Variants in ZNF701 observed in about 807,000 individuals in gnomAD.
ZNF701 encodes zinc finger protein 701.
ZNF701 carries 6 observed loss-of-function variants against 7.1 expected under a neutral mutation model. That is an observed-to-expected ratio of 0.84 (90% CI 0.46 to 1.66). The LOEUF (loss-of-function observed/expected upper bound fraction) is 1.66. Ranked by LOEUF, ZNF701 falls within the 40% of genes most tolerant of loss-of-function variation. The pLI is 0.01. For missense variants in ZNF701, 541 were observed against 559.2 expected (o/e 0.97, Z 0.33); for synonymous variants, 166 against 188.2 (o/e 0.88, Z 0.97).
Position 52,582,444 on chromosome 19 carries a change from A to C in ZNF701, c.385A>C (p.Arg129=), listed in dbSNP as rs1220390661. The change falls in exon 4 of 4, where the codon AGG becomes CGG. Residue 129 remains arginine (R), a synonymous_variant. Transcript: ENST00000391785. The part of the protein sequence containing the change: ...LMSSTERHDQ[R]HAGNKPIKNE... ...GAGTAGTACAGAGCGACATGATCAA[A>C]GGCATGCTGGAAACAAACCTATTAA... is the stretch of plus-strand genomic sequence containing the variant. 6.2e-7 allele frequency: 1 copy of C among 1,614,226 alleles called. No homozygotes were observed. Among genetic ancestry groups the C allele is most frequent in the Admixed American group, 1.7e-5 (1 of 60,020 alleles).
chr19:52,577,697 G>A (rs1239306141), intron 3 of ZNF701, among the ~76,000 whole-genome samples: 1 of 152,014 alleles, frequency 6.6e-6, no homozygotes, highest in Admixed American at 6.6e-5. Context: ...GAAGGCACCC[G>A]TTACTTAGCA....
At chr19:52,577,056 A>G (rs186469267) in intron 3 of ZNF701, among the ~76,000 whole-genome samples, 113 of 152,280 alleles carry the variant, frequency 7.4e-4, no homozygotes, top group Middle Eastern at 3.4e-3. Context: ...GATCTCTGAA[A>G]TGACATCTTT....
chr19:52,572,823 C>A (rs908408066), intron 1 of ZNF701: 27 of 431,962 alleles, frequency 6.3e-5, no homozygotes, highest in Admixed American at 7.6e-5. Flanking sequence ...CATCTCATGA[C>A]TCCCTCTGCC....
At chr19:52,596,892 C>T in the ZNF701 span, 3 of 556,194 alleles carry the variant, frequency 5.4e-6, no homozygotes, top group African/African-American at 5.7e-5. Context: ...TGCACAACAT[C>T]AGAGAGTTTA....
chr19:52,588,006 C>G (rs200821051), downstream of ZNF701, among the ~76,000 whole-genome samples: 3 of 152,156 alleles, frequency 2.0e-5, no homozygotes, highest in African/African-American at 7.2e-5. Flanking sequence ...GCATCGTGTG[C>G]GTGGACTTTT....
At chr19:52,582,152 G>C (rs1385395217) in intron 3 of ZNF701, 50 bp from the exon 4 acceptor site, 7 of 1,462,246 alleles carry the variant, frequency 4.8e-6, no homozygotes, top group Admixed American at 4.6e-5. Flanking sequence ...TTTCAGTATT[G>C]TATAACTTCC....
At chr19:52,572,968 G>A (rs1172007878) in intron 1 of ZNF701, 3 of 283,858 alleles carry the variant, frequency 1.1e-5, no homozygotes, top group East Asian at 2.2e-4. Flanking sequence ...GCTCAGAAAT[G>A]TCTCCCATGC....
the ZNF701 span, among the ~76,000 whole-genome samples, chr19:52,598,370 A>G: frequency 5.8e-4 from 89 of 152,252 alleles, no homozygotes; most frequent in African/African-American, 2.1e-3. Flanking sequence ...TTTTTTGAGC[A>G]GGTAGAGTCA....
downstream of ZNF701, among the ~76,000 whole-genome samples, chr19:52,590,720 G>T (rs892302197): frequency 1.1e-4 from 17 of 152,108 alleles, no homozygotes; most frequent in African/African-American, 4.1e-4. Context: ...AGCCTGGCAT[G>T]TATCTGTGGA....
At chr19:52,597,860 C>T in the ZNF701 span, 1 of 172,378 alleles carries the variant, frequency 5.8e-6, no homozygotes, top group East Asian at 1.5e-4. Flanking sequence ...CGTCTGCTGT[C>T]ATCCTCTTGC....
chr19:52,597,164 G>C, the ZNF701 span: 1 of 613,832 alleles, frequency 1.6e-6, no homozygotes, highest in Non-Finnish European at 3.1e-6. Context: ...ATACTGGAGA[G>C]AAACCTTACA....
chr19:52,578,720 A>G (rs1288082491), intron 3 of ZNF701, among the ~76,000 whole-genome samples: 3 of 152,220 alleles, frequency 2.0e-5, no homozygotes, highest in Non-Finnish European at 4.4e-5. Context: ...TGGTTTAAAC[A>G]TGATTCCAGT....
rs766015846 is a variant in ZNF701, at chr19:52,583,182, A to T, written c.1123A>T (p.Ile375Phe). Residue 375 changes from isoleucine (I) to phenylalanine (F), a missense_variant, in exon 4 of 4, where the codon ATT (isoleucine) becomes TTT (phenylalanine). Coordinates refer to ENST00000391785, the MANE Select transcript of ZNF701 (RefSeq NM_018260.3). ...TTCACACCTGGCACAACATACTGTA[A>T]TTCACACTGGAGAGAAACCTTACAA... ...RDSHLAQHTV[I>F]HTGEKPYKCN... The T allele has an allele frequency of 6.2e-7, 1 of 1,613,630 alleles. No homozygotes were observed. Among genetic ancestry groups the T allele is most frequent in the South Asian group, 1.1e-5 (1 of 91,048 alleles).
chr19:52,581,850 T>A (rs948514191), intron 3 of ZNF701, among the ~76,000 whole-genome samples: 1 of 152,194 alleles, frequency 6.6e-6, no homozygotes, highest in Non-Finnish European at 1.5e-5. Flanking sequence ...CCTATAAATA[T>A]GAAGAATATA....
chr19:52,579,037 C>CGCCCCGCCGT lies in ZNF701; in HGVS notation c.142+3021_142+3030dup, dbSNP rs1043419935. 3.7e-4 allele frequency among the ~76,000 whole-genome samples: 53 copies of CGCCCCGCCGT among 144,032 alleles called. 7 individuals carry two copies. The highest frequency in any genetic ancestry group is 1.5e-3 in the African/African-American group (50 of 34,228). 94.5% of individuals were successfully genotyped at this position (144,032 alleles called of 152,430 possible). On this transcript the variant is annotated intron_variant, in intron 3 of 3. Coordinates refer to ENST00000391785, the MANE Select transcript of ZNF701 (RefSeq NM_018260.3). Reference sequence around the variant, plus strand: ...CTGGGATTACAGACGTGAGCCACCGCGCCCCGCCGTGCCCATTTCTTTCAG... The same window carrying CGCCCCGCCGT: ...CTGGGATTACAGACGTGAGCCACCGCGCCCCGCCGTGCCCCGCCGTGCCCATTTCTTTCAG...
the ZNF701 span, among the ~76,000 whole-genome samples, chr19:52,592,665 T>C: frequency 6.6e-6 from 1 of 152,202 alleles, no homozygotes; most frequent in Non-Finnish European, 1.5e-5. Context: ...TCTCAGCTCA[T>C]TGCAACCTCC....
At chr19:52,590,003 A>C (rs950251129), downstream of ZNF701, among the ~76,000 whole-genome samples, 1 of 152,096 alleles carries the variant, frequency 6.6e-6, no homozygotes, top group Non-Finnish European at 1.5e-5. Flanking sequence ...TATGTTGGTC[A>C]GGCTGGTCTC....
At chr19:52,587,350 C>T (rs1297286775), downstream of ZNF701, among the ~76,000 whole-genome samples, 3 of 152,130 alleles carry the variant, frequency 2.0e-5, no homozygotes, top group Non-Finnish European at 1.5e-5. Flanking sequence ...GTCCTCCTCA[C>T]TCCCTCTGCT....
At chr19:52,599,528 G>A in the ZNF701 span, among the ~76,000 whole-genome samples, 1 of 152,116 alleles carries the variant, frequency 6.6e-6, no homozygotes, top group East Asian at 1.9e-4. Context: ...CTTATGTAGT[G>A]ATAAAGTAAC....
Sources: gnomAD v4.1 joint callset for allele counts (sites outside exome capture counted in the v4.1 genomes callset) on GRCh38, gnomAD v4.1.1 for gene constraint, MANE v1.5 for transcripts, NCBI Gene and HGNC (gene_info 2026-07-23, HGNC 2026-07-21) for gene names.